The following MAP2 variants were observed in gnomAD, a reference collection of about 807,000 sequenced individuals.
MAP2 encodes the protein microtubule associated protein 2.
In MAP2, 14 loss-of-function variants were observed where a neutral mutation model predicts 137.6. The observed-to-expected ratio is 0.10, with a 90% CI of 0.07 to 0.16. The LOEUF (loss-of-function observed/expected upper bound fraction) is 0.16, where lower values mean the gene tolerates loss of function less well. MAP2 is among the 10% of genes least tolerant of loss of function. The pLI is 1.00. For missense variants in MAP2, 2,088 were observed against 2,191.5 expected, an observed-to-expected ratio of 0.95 and a Z score of 0.94; for synonymous variants, 786 against 782.3, an observed-to-expected ratio of 1.00 and a Z score of -0.08.
At chr2:209,692,337 CA>C (rs11449791) in intron 7 of MAP2, among the ~76,000 whole-genome samples, 3,091 of 133,716 alleles carry the variant, frequency 0.023, 94 homozygotes, top group African/African-American at 0.086. Flanking sequence ...TAGGAGAGAC[CA>C]AAAAAAAAAA....
At chr2:209,645,719 T>C (rs941339049) in intron 4 of MAP2, among the ~76,000 whole-genome samples, 8 of 152,214 alleles carry the variant, frequency 5.3e-5, no homozygotes, top group Non-Finnish European at 5.9e-5. Context: ...ATTTATGATA[T>C]ATATTCTGCA....
In MAP2 at chr2:209,710,016, G is replaced by A. The variant is rs571439742; in HGVS notation, c.4835G>A (p.Arg1612His). 6.8e-6 allele frequency: 11 copies of A among 1,613,838 alleles called. No individual in the cohort carries two copies. The highest frequency in any genetic ancestry group is 4.5e-5 in the East Asian group (2 of 44,858). ...TPGTPPSYSSRTPGTPGTPSY... is the reference protein window; with the variant it reads ...TPGTPPSYSSHTPGTPGTPSY... ...GGCACCCCACCAAGTTATTCTTCAC[G>A]CACACCAGGCACTCCTGGAACCCCT... The change falls in exon 13 of 16, where the codon CGC (arginine) becomes CAC (histidine). Residue 1612 changes from arginine to histidine, a missense_variant. Around this residue, in one of 6 missense-constraint regions of MAP2, gnomAD observed 591 missense variants for 642.6 expected, o/e 0.92. Coordinates refer to ENST00000682079, the MANE Select transcript of MAP2 (RefSeq NM_001375505.1).
chr2:209,618,877 A>G (rs1345817707), intron 3 of MAP2, among the ~76,000 whole-genome samples: 2 of 152,216 alleles, frequency 1.3e-5, no homozygotes, highest in Non-Finnish European at 2.9e-5. Flanking sequence ...TATGGAATCA[A>G]CCTGTGTCCA....
In MAP2 at chr2:209,631,005, C is replaced by CAAAAAAAAAAAAAAAAAAAAAAAAA. The variant is rs776266690; in HGVS notation, c.-30+5882_-30+5906dup. On this transcript the variant is annotated intron_variant, in intron 4 of 15. Coordinates refer to ENST00000682079, the MANE Select transcript of MAP2 (RefSeq NM_001375505.1). The stretch of plus-strand genomic sequence containing the variant: ...TTTCAAGATTGAAGGGAGCTACAAG[C>CAAAAAAAAAAAAAAAAAAAAAAAAA]AAAAAAAAAAAAAAAAAAAAAAAAA... 2.1e-4 allele frequency among the ~76,000 whole-genome samples: 9 copies of CAAAAAAAAAAAAAAAAAAAAAAAAA among 42,136 alleles called. 4 individuals carry two copies. Among genetic ancestry groups the CAAAAAAAAAAAAAAAAAAAAAAAAA allele is most frequent in the Non-Finnish European group, 4.1e-4 (9 of 22,070 alleles). 27.6% of individuals were successfully genotyped at this position (42,136 alleles called of 152,430 possible). A position where few individuals can be genotyped will look rare whatever the true frequency, so the allele number is the denominator to read the frequency against.
chr2:209,705,321 A>G, intron 11 of MAP2: 1 of 245,188 alleles, frequency 4.1e-6, no homozygotes, highest in Non-Finnish European at 7.7e-6. Flanking sequence ...CATTTATTTT[A>G]CCAATATTAT....
At chr2:209,663,124 C>G (rs984454956) in intron 5 of MAP2, among the ~76,000 whole-genome samples, 3 of 152,102 alleles carry the variant, frequency 2.0e-5, no homozygotes, top group Non-Finnish European at 2.9e-5. Context: ...CAGCAGTTAT[C>G]ACTCCTCTTT....
Position 209,694,476 on chromosome 2 carries a change from T to C in MAP2, c.2306T>C (p.Ile769Thr), listed in dbSNP as rs751673408. The C allele has an allele frequency of 6.2e-7, 1 of 1,613,922 alleles. No individual in the cohort carries two copies. Among genetic ancestry groups the C allele is most frequent in the East Asian group, 2.2e-5 (1 of 44,862 alleles). ...GTAGAAAGCAAAGAGGAAGAACAGA[T>C]AGAGAAAGTAAAAGCTACTGGAGAA... Reference protein sequence around the residue: ...FPVESKEEEQIEKVKATGEES... With the variant: ...FPVESKEEEQTEKVKATGEES... Residue 769 changes from isoleucine (I) to threonine (T), a missense_variant, in exon 8 of 16, where the codon ATA (isoleucine) becomes ACA (threonine). Physicochemically the swap from Ile to Thr is moderately conservative, Grantham distance 89 (BLOSUM62 -1). Around this residue, in one of 6 missense-constraint regions of MAP2, gnomAD observed 500 missense variants for 482.9 expected, o/e 1.04. Coordinates refer to ENST00000682079, the MANE Select transcript of MAP2 (RefSeq NM_001375505.1).
chr2:209,721,410 A>G (rs1014431218), intron 13 of MAP2, among the ~76,000 whole-genome samples: 2 of 152,226 alleles, frequency 1.3e-5, no homozygotes, highest in African/African-American at 4.8e-5. Flanking sequence ...ATTGCTTCAT[A>G]TTACAAGTTG....
chr2:209,436,689 TG>T (rs1417249815), intron 1 of MAP2, among the ~76,000 whole-genome samples: 1 of 151,752 alleles, frequency 6.6e-6, no homozygotes, highest in Non-Finnish European at 1.5e-5. Context: ...AGTCAGAGCA[TG>T]TTAGATACTG....
rs543282237 is a variant in MAP2 at position 209,692,776 on chromosome 2, G to A, written c.606G>A (p.Glu202=). 11 of 1,613,990 alleles carry A rather than the reference G, an allele frequency of 6.8e-6. No homozygotes were observed. Among genetic ancestry groups the A allele is most frequent in the Middle Eastern group, 1.7e-4 (1 of 6,060 alleles). ...LKHAALVSQP[E]TTKTYPDKKD... is the part of the protein sequence containing the mutation. ...ATGCTGCCTTAGTTTCTCAGCCAGA[G>A]ACAACTAAAACTTACCCTGATAAAA... The change falls in exon 8 of 16, where the codon GAG becomes GAA. Residue 202 remains glutamate (E), a synonymous_variant. Coordinates refer to ENST00000682079, the MANE Select transcript of MAP2 (RefSeq NM_001375505.1).
intron 2 of MAP2, among the ~76,000 whole-genome samples, chr2:209,540,618 G>A: frequency 1.2e-5 from 1 of 84,720 alleles, no homozygotes; most frequent in Non-Finnish European, 1.9e-5. Context: ...GTGACTGAGT[G>A]AGACTCCGTC....
intron 2 of MAP2, among the ~76,000 whole-genome samples, chr2:209,508,289 A>C (rs923601930): frequency 1.3e-5 from 2 of 151,440 alleles, no homozygotes; most frequent in Non-Finnish European, 2.9e-5. Flanking sequence ...GAAAAAAAAA[A>C]CACTAAACAC....
intron 3 of MAP2, among the ~76,000 whole-genome samples, chr2:209,607,311 T>C (rs1046330928): frequency 7.9e-5 from 12 of 152,346 alleles, no homozygotes; most frequent in Non-Finnish European, 8.8e-5. Flanking sequence ...CAGACCAAGA[T>C]GAATTAGTCA....
chr2:209,620,961 G>A (rs559448581), intron 3 of MAP2, among the ~76,000 whole-genome samples: 1 of 152,000 alleles, frequency 6.6e-6, no homozygotes, highest in Non-Finnish European at 1.5e-5. Context: ...TTAGGAGGCC[G>A]AAGTAGATGG....
chr2:209,707,092 A>G (rs555143261), intron 12 of MAP2, among the ~76,000 whole-genome samples: 19 of 152,274 alleles, frequency 1.2e-4, no homozygotes, highest in Non-Finnish European at 2.4e-4. Context: ...GACAAGACAA[A>G]GATACCAAGT....
intron 4 of MAP2, among the ~76,000 whole-genome samples, chr2:209,631,005 C>CAAAAAAAAAAAAAAAAAAAAAAAAAA (rs776266690): frequency 2.4e-5 from 1 of 42,138 alleles, no homozygotes; most frequent in Non-Finnish European, 4.5e-5. Context: ...GAGCTACAAG[C>CAAAAAAAAAAAAAAAAAAAAAAAAAA]AAAAAAAAAA....
chr2:209,464,585 A>G (rs909146153), intron 1 of MAP2, among the ~76,000 whole-genome samples: 1 of 152,072 alleles, frequency 6.6e-6, no homozygotes, highest in African/African-American at 2.4e-5. Flanking sequence ...TACTCTACAG[A>G]TATTAAACTA....
rs371502113 is a variant in MAP2, at chr2:209,704,801, A to AT, written c.4585-773dup. The stretch of plus-strand genomic sequence containing the variant: ...TAAAATTTTGATAAACAGTATACCT[A>AT]TTTTTTAAATGTAGAAAATATGTCT... On this transcript the variant is annotated intron_variant, in intron 11 of 15. Coordinates refer to ENST00000682079, the MANE Select transcript of MAP2 (RefSeq NM_001375505.1). Among the ~76,000 whole-genome samples the AT allele has an allele frequency of 3.4e-3, 511 of 152,092 alleles. 5 individuals are homozygous for AT. The highest frequency in any genetic ancestry group is 0.031 in the South Asian group (150 of 4,812).
Position 209,660,385 on chromosome 2 carries a change from A to AT in MAP2, c.262+6979dup, listed in dbSNP as rs869139522. Among the ~76,000 whole-genome samples, 375 of 64,248 alleles carry AT rather than the reference A, an allele frequency of 5.8e-3. 31 individuals carry two copies. Among genetic ancestry groups the AT allele is most frequent in the African/African-American group, 0.013 (228 of 17,434 alleles). 42.1% of individuals were successfully genotyped at this position (64,248 alleles called of 152,430 possible). On this transcript the variant is annotated intron_variant, in intron 5 of 15. Coordinates refer to ENST00000682079, the MANE Select transcript of MAP2 (RefSeq NM_001375505.1). ...GTTATATACATTTATTGTTGCTGCA[A>AT]TTTTTTTTTTTTTTTTTTTTTTTTT...
Sources: gnomAD v4.1 joint callset for allele counts (sites outside exome capture counted in the v4.1 genomes callset) on GRCh38, gnomAD v4.1.1 for gene constraint, gnomAD v4.1.1 regional missense constraint, MANE v1.5 for transcripts, NCBI Gene and HGNC (gene_info 2026-07-23, HGNC 2026-07-21) for gene names.